Variants in IGF2BP2 observed in about 807,000 individuals in gnomAD.
IGF2BP2 encodes the protein insulin-like growth factor 2 mRNA-binding protein 2.
In IGF2BP2, 17 loss-of-function variants were observed where a neutral mutation model predicts 75.8. The ratio of observed to expected loss-of-function variants is 0.22; its 90% CI spans 0.15 to 0.34. The LOEUF is 0.34. Among genes scored for constraint, IGF2BP2 ranks in the 10% least tolerant of loss-of-function variants. The pLI is 1.00. For missense variants in IGF2BP2, 516 were observed against 772.4 expected (o/e 0.67, Z 3.93); for synonymous variants, 288 against 295.6 (o/e 0.97, Z 0.26).
intron 2 of IGF2BP2, among the ~76,000 whole-genome samples, chr3:185,746,460 G>A (rs960984384): frequency 2.6e-5 from 4 of 152,138 alleles, no homozygotes; most frequent in East Asian, 3.8e-4. Context: ...TCTACTTAAC[G>A]ATTATTTTCC....
intron 2 of IGF2BP2, among the ~76,000 whole-genome samples, chr3:185,760,414 T>C (rs1025640155): frequency 6.6e-6 from 1 of 152,216 alleles, no homozygotes; most frequent in Non-Finnish European, 1.5e-5. Context: ...ATCACAAAAC[T>C]CACCCATTTA....
At chr3:185,750,649 CA>C (rs1344565787) in intron 2 of IGF2BP2, among the ~76,000 whole-genome samples, 7 of 152,198 alleles carry the variant, frequency 4.6e-5, no homozygotes, top group African/African-American at 1.7e-4. Flanking sequence ...GATGTCAAGA[CA>C]AGACAGAAAG....
chr3:185,678,952 G>A (rs897963478), intron 7 of IGF2BP2, among the ~76,000 whole-genome samples: 5 of 152,104 alleles, frequency 3.3e-5, no homozygotes, highest in Non-Finnish European at 7.4e-5. Flanking sequence ...CTCCTCTCTT[G>A]TGGTTACCAT....
intron 2 of IGF2BP2, among the ~76,000 whole-genome samples, chr3:185,793,941 T>C (rs562229500): frequency 1.1e-3 from 168 of 148,456 alleles, no homozygotes; most frequent in African/African-American, 3.8e-3. Context: ...AGATAAGGAA[T>C]GGTCAAAGCA....
At chr3:185,646,972 C>G (rs1383899375) in intron 15 of IGF2BP2, 53 bp downstream of exon 15, 1 of 1,366,576 alleles carries the variant, frequency 7.3e-7, no homozygotes, top group Admixed American at 1.7e-5. Context: ...AGCAGCTTAG[C>G]AGAGAATTGA....
intron 7 of IGF2BP2, among the ~76,000 whole-genome samples, chr3:185,685,252 G>A (rs1720953566): frequency 6.6e-6 from 1 of 151,994 alleles, no homozygotes; most frequent in Admixed American, 6.6e-5. Context: ...GGAGGCTGAG[G>A]CAGGAGAATT....
In IGF2BP2 at chr3:185,824,873, G is replaced by A; in HGVS notation, c.88C>T (p.Leu30=). The stretch of plus-strand genomic sequence containing the variant: ...GACTTCAGCAGGACCTGTCCCGCCA[G>A]GGGCAGCTTCCTGTCCCCAAAGAGC... ...RQLFGDRKLP[L]AGQVLLKSGY... is the part of the protein sequence containing the mutation. Residue 30 remains leucine (L), a synonymous_variant, in exon 1 of 16, where the codon CTG becomes TTG. Transcript: ENST00000382199. 22 of 1,566,740 alleles carry A rather than the reference G, an allele frequency of 1.4e-5. No homozygotes were observed. The highest frequency in any genetic ancestry group is 1.9e-5 in the Non-Finnish European group (22 of 1,156,536).
chr3:185,700,660 C>T (rs565596447), intron 2 of IGF2BP2, among the ~76,000 whole-genome samples: 88 of 152,112 alleles, frequency 5.8e-4, no homozygotes, highest in Admixed American at 1.4e-3. Flanking sequence ...TTTGTTATTT[C>T]CAAATACAAA....
In IGF2BP2 at chr3:185,647,327, G is replaced by C. The variant is rs1361396183; in HGVS notation, c.1594-189C>G. ...TGAGCACATGGGGCCATGTTGGTTGGGCCCTGACAGGCTCAATGACAGGGA... is the reference window on the plus strand; with the variant it reads ...TGAGCACATGGGGCCATGTTGGTTGCGCCCTGACAGGCTCAATGACAGGGA... On this transcript the variant is annotated intron_variant, in intron 14 of 15. Transcript: ENST00000382199. This position sits in a 1 kb window ranked among gnomAD's most constrained non-coding sequence, Gnocchi z 4.9. Among the ~76,000 whole-genome samples the C allele has an allele frequency of 2.0e-5, 3 of 151,982 alleles. No homozygotes were observed. The highest frequency in any genetic ancestry group is 6.5e-5 in the Admixed American group (1 of 15,272).
chr3:185,701,652 A>G (rs1476768797), intron 2 of IGF2BP2, among the ~76,000 whole-genome samples: 13 of 152,224 alleles, frequency 8.5e-5, no homozygotes, highest in Non-Finnish European at 1.3e-4. Context: ...AACACTACAC[A>G]TAAGTTCAGT....
At chr3:185,768,957 G>A (rs1022904788) in intron 2 of IGF2BP2, among the ~76,000 whole-genome samples, 1 of 152,220 alleles carries the variant, frequency 6.6e-6, no homozygotes, top group African/African-American at 2.4e-5. Flanking sequence ...AACCTGGGAG[G>A]TGGAGATTGC....
At position 185,751,034 on chromosome 3, in the gene IGF2BP2, T is replaced by C. The variant is rs527692963; in HGVS notation, c.240-52687A>G. On this transcript the variant is annotated intron_variant, in intron 2 of 15. Coordinates refer to ENST00000382199, the MANE Select transcript of IGF2BP2 (RefSeq NM_006548.6). Reference sequence around the variant, plus strand: ...GAGTTTGAGAACAGCCTGGCCAACATAGTGAAACCTCGTCTCTATTAAAAA... The same window carrying C: ...GAGTTTGAGAACAGCCTGGCCAACACAGTGAAACCTCGTCTCTATTAAAAA... 2.6e-5 allele frequency among the ~76,000 whole-genome samples: 4 copies of C among 151,976 alleles called. No individual in the cohort carries two copies. The South Asian group carries it at 6.2e-4, about 24-fold the overall frequency.
chr3:185,798,482 A>G (rs1039804118), intron 2 of IGF2BP2, among the ~76,000 whole-genome samples: 5 of 152,198 alleles, frequency 3.3e-5, no homozygotes, highest in African/African-American at 7.2e-5. Flanking sequence ...TTTTTCTTAC[A>G]CAACATTCAT....
chr3:185,656,563 A>G (rs1325544989), intron 12 of IGF2BP2, among the ~76,000 whole-genome samples: 3 of 152,250 alleles, frequency 2.0e-5, no homozygotes, highest in East Asian at 3.8e-4. Context: ...TTTGCGTAAC[A>G]ACAAAAACTC....
intron 9 of IGF2BP2, among the ~76,000 whole-genome samples, chr3:185,673,303 A>G (rs977798610): frequency 1.3e-5 from 2 of 152,230 alleles, no homozygotes; most frequent in African/African-American, 4.8e-5. Flanking sequence ...CCTGGTATAT[A>G]GTAAGTACTC....
chr3:185,793,411 C>T (rs560982154), intron 2 of IGF2BP2, among the ~76,000 whole-genome samples: 8 of 152,230 alleles, frequency 5.3e-5, no homozygotes, highest in African/African-American at 1.4e-4. Context: ...CTACTTTTCA[C>T]GCCAAGCTGC....
chr3:185,714,303 G>A (rs980332648), intron 2 of IGF2BP2, among the ~76,000 whole-genome samples: 3 of 151,994 alleles, frequency 2.0e-5, no homozygotes, highest in African/African-American at 7.3e-5. Flanking sequence ...TTCTACTGAT[G>A]GACACAAGAT....
chr3:185,716,521 C>T, intron 2 of IGF2BP2: 1 of 520,128 alleles, frequency 1.9e-6, no homozygotes, highest in Non-Finnish European at 3.8e-6. Context: ...AAGTGGGCTG[C>T]TTTATCCTGT....
intron 7 of IGF2BP2, among the ~76,000 whole-genome samples, chr3:185,676,814 TATATA>T (rs1719447740): frequency 1.4e-5 from 2 of 144,174 alleles, no homozygotes; most frequent in Admixed American, 1.4e-4. Flanking sequence ...TTACTGGAGA[TATATA>T]TATATGGAGA....
Sources: allele counts gnomAD v4.1 joint callset (sites outside exome capture counted in the v4.1 genomes callset), GRCh38; gene constraint gnomAD v4.1.1; non-coding constraint Gnocchi (gnomAD v3.1); transcripts MANE v1.5; gene names NCBI Gene and HGNC (gene_info 2026-07-23, HGNC 2026-07-21).